Variants in TSPAN18 observed in about 807,000 individuals in gnomAD.
TSPAN18 encodes the protein tetraspanin-18.
In TSPAN18, 14 loss-of-function variants were observed where a neutral mutation model predicts 27.3. That is an observed-to-expected ratio of 0.51 (90% CI 0.34 to 0.80). TSPAN18 has a LOEUF of 0.80. Among genes scored for constraint, TSPAN18 ranks in the 30% least tolerant of loss-of-function variants. The pLI is 0.01. For synonymous variants in TSPAN18, 143 were observed against 136.5 expected (o/e 1.05, Z -0.33); for missense variants, 268 against 323.9 (o/e 0.83, Z 1.32).
At chr11:44,861,981 ACCT>A (rs1475010292) in intron 3 of TSPAN18, among the ~76,000 whole-genome samples, 3 of 151,322 alleles carry the variant, frequency 2.0e-5, no homozygotes, top group Non-Finnish European at 2.9e-5. Context: ...CCTTGAGTAG[ACCT>A]CCACTCGCCG....
intron 1 of TSPAN18, among the ~76,000 whole-genome samples, chr11:44,730,552 C>G (rs1458974285): frequency 2.0e-5 from 3 of 151,932 alleles, no homozygotes; most frequent in Admixed American, 2.0e-4. Flanking sequence ...TGGGCTCCTC[C>G]TGCCACCCGG....
chr11:44,802,149 A>T (rs895243118), intron 2 of TSPAN18, among the ~76,000 whole-genome samples: 27 of 152,052 alleles, frequency 1.8e-4, no homozygotes, highest in Non-Finnish European at 3.2e-4. Flanking sequence ...GTCTCTCCTC[A>T]AGCTGGAAAA....
chr11:44,871,207 C>G (rs1239735355), intron 3 of TSPAN18, among the ~76,000 whole-genome samples: 1 of 152,166 alleles, frequency 6.6e-6, no homozygotes, highest in Non-Finnish European at 1.5e-5. Flanking sequence ...GTGGATTAAA[C>G]AACAAATATT....
intron 2 of TSPAN18, among the ~76,000 whole-genome samples, chr11:44,853,679 AC>A (rs1323970896): frequency 1.3e-5 from 2 of 151,354 alleles, no homozygotes; most frequent in African/African-American, 2.4e-5. Flanking sequence ...TCTGCTGGTA[AC>A]CCCCGCCCCA....
At chr11:44,915,355 A>G (rs1859866846) in intron 5 of TSPAN18, among the ~76,000 whole-genome samples, 1 of 152,108 alleles carries the variant, frequency 6.6e-6, no homozygotes, top group African/African-American at 2.4e-5. Flanking sequence ...ATCACTCAGC[A>G]GCCACTGAGC....
At chr11:44,795,695 C>T (rs1055784283) in intron 2 of TSPAN18, among the ~76,000 whole-genome samples, 1 of 151,896 alleles carries the variant, frequency 6.6e-6, no homozygotes, top group Non-Finnish European at 1.5e-5. Flanking sequence ...TTTTCTGCCC[C>T]AGGAGCCGGA....
intron 9 of TSPAN18, among the ~76,000 whole-genome samples, chr11:44,928,512 C>T (rs114613401): frequency 0.059 from 8,977 of 152,180 alleles, 915 homozygotes; most frequent in African/African-American, 0.2. Context: ...CTTGGCTGGG[C>T]GCTGTGGCTC....
chr11:44,821,950 G>T (rs1856937292), intron 2 of TSPAN18, among the ~76,000 whole-genome samples: 1 of 152,192 alleles, frequency 6.6e-6, no homozygotes, highest in Admixed American at 6.5e-5. Context: ...GTGGAGGAAG[G>T]GTGACCTTGG....
intron 1 of TSPAN18, among the ~76,000 whole-genome samples, chr11:44,756,777 T>G (rs2134872243): frequency 6.6e-6 from 1 of 152,378 alleles, no homozygotes; most frequent in African/African-American, 2.4e-5. Context: ...AATACTCCAT[T>G]GTGTAGATAG....
chr11:44,749,325 A>G (rs1279789284), intron 1 of TSPAN18, among the ~76,000 whole-genome samples: 1 of 152,238 alleles, frequency 6.6e-6, no homozygotes, highest in African/African-American at 2.4e-5. Flanking sequence ...TGAGGGAGGT[A>G]AACTGCCTGG....
At chr11:44,794,600 G>A (rs1270241946) in intron 2 of TSPAN18, among the ~76,000 whole-genome samples, 1 of 152,016 alleles carries the variant, frequency 6.6e-6, no homozygotes, top group Admixed American at 6.5e-5. Context: ...CCCAGAAGGC[G>A]GAGGCTGCAG....
At chr11:44,898,781 A>G (rs552437175) in intron 3 of TSPAN18, among the ~76,000 whole-genome samples, 10 of 152,356 alleles carry the variant, frequency 6.6e-5, no homozygotes, top group African/African-American at 1.9e-4. Flanking sequence ...TCCAGTCATG[A>G]GGGCAGAACC....
chr11:44,726,843 T>A (rs1284564955), upstream of TSPAN18: 1 of 125,536 alleles, frequency 8.0e-6, no homozygotes, highest in Non-Finnish European at 1.7e-5. Context: ...GAGACGCGCT[T>A]CTCGGCAGCA....
At position 44,826,831 on chromosome 11, in the gene TSPAN18, G is replaced by A. The variant is rs532553395; in HGVS notation, c.-152-33497G>A. On this transcript the variant is annotated intron_variant, in intron 2 of 9. Coordinates refer to ENST00000520358, the MANE Select transcript of TSPAN18 (RefSeq NM_130783.5). Reference sequence around the variant, plus strand: ...CGTAGTGTGGGGAGTGCCTTGGGGAGCCTGGGGTAGGGGCAGGATTTTACT... The same window carrying A: ...CGTAGTGTGGGGAGTGCCTTGGGGAACCTGGGGTAGGGGCAGGATTTTACT... Among the ~76,000 whole-genome samples the A allele has an allele frequency of 5.3e-5, 8 of 152,326 alleles. No homozygotes were observed. In the South Asian group the frequency reaches 1.7e-3, roughly 32 times the overall value.
chr11:44,790,462 T>G (rs1462577413), intron 2 of TSPAN18, among the ~76,000 whole-genome samples: 1 of 150,892 alleles, frequency 6.6e-6, no homozygotes, highest in Non-Finnish European at 1.5e-5. Context: ...CATGTGTGTA[T>G]GCATGTGTTC....
intron 3 of TSPAN18, among the ~76,000 whole-genome samples, chr11:44,889,716 G>A (rs1207752408): frequency 1.3e-5 from 2 of 152,200 alleles, no homozygotes; most frequent in Non-Finnish European, 2.9e-5. Context: ...CCCCAGATTT[G>A]GGGGCCATAA....
chr11:44,758,485 A>G (rs181779384), intron 1 of TSPAN18, among the ~76,000 whole-genome samples: 2 of 152,204 alleles, frequency 1.3e-5, no homozygotes, highest in Admixed American at 1.3e-4. Context: ...ATTAGTGCTC[A>G]TAAGGGATAT....
chr11:44,855,808 C>T (rs1200124371), intron 2 of TSPAN18, among the ~76,000 whole-genome samples: 1 of 151,086 alleles, frequency 6.6e-6, no homozygotes. Flanking sequence ...CCACCATGCC[C>T]TGCCCATCCT....
rs1220674079 is a variant in TSPAN18, at chr11:44,802,324, T to TG, written c.-153+37818dup. Among the ~76,000 whole-genome samples, 5 of 61,784 alleles carry TG rather than the reference T, an allele frequency of 8.1e-5. No individual in the cohort carries two copies. In the East Asian group the frequency reaches 2.0e-3, roughly 24 times the overall value. The allele number at this position is 61,784 out of a possible 152,430, so 40.5% of individuals were successfully genotyped here. Reference sequence around the variant, plus strand: ...CGAAGCACAAAGTGGTTGAGGTGGGTGGGGGGAGAGCTGTGGGAGATGGAG... The same window carrying TG: ...CGAAGCACAAAGTGGTTGAGGTGGGTGGGGGGGAGAGCTGTGGGAGATGGAG... On this transcript the variant is annotated intron_variant, in intron 2 of 9. Transcript: ENST00000520358.
Sources: gnomAD v4.1 joint callset for allele counts (sites outside exome capture counted in the v4.1 genomes callset) on GRCh38, gnomAD v4.1.1 for gene constraint, MANE v1.5 for transcripts, NCBI Gene and HGNC (gene_info 2026-07-23, HGNC 2026-07-21) for gene names.